OPCML: variants seen among roughly 807,000 people sequenced by gnomAD.
The protein encoded by OPCML is opioid binding protein/cell adhesion molecule like.
Under a neutral mutation model 37.8 loss-of-function variants are expected in OPCML, and 13 were observed. That is an observed-to-expected ratio of 0.34 (90% CI 0.22 to 0.55). The LOEUF (loss-of-function observed/expected upper bound fraction) is 0.55. Ranked by LOEUF, OPCML falls within the 20% of genes least tolerant of loss-of-function variation. OPCML has a pLI of 0.91. For missense variants in OPCML, 341 were observed against 435.6 expected, an observed-to-expected ratio of 0.78 and a Z score of 1.93; for synonymous variants, 176 against 168.8, an observed-to-expected ratio of 1.04 and a Z score of -0.33.
chr11:132,992,878 C>T (rs1415124222), intron 1 of OPCML, among the ~76,000 whole-genome samples: 2 of 152,142 alleles, frequency 1.3e-5, no homozygotes, highest in Admixed American at 6.6e-5. Context: ...ATTGGAATGG[C>T]TGTTTGTTTT....
chr11:133,447,520 T>C (rs1277691051), intron 1 of OPCML, among the ~76,000 whole-genome samples: 1 of 152,192 alleles, frequency 6.6e-6, no homozygotes, highest in Non-Finnish European at 1.5e-5. Context: ...GGCCTCCTTC[T>C]CTCCCTTCTC....
chr11:132,701,764 GT>G (rs1943827848), intron 2 of OPCML, among the ~76,000 whole-genome samples: 1 of 10,538 alleles, frequency 9.5e-5, no homozygotes, highest in Non-Finnish European at 3.0e-4. Flanking sequence ...TTTGATGATT[GT>G]GTGTGTGTGT....
At chr11:133,377,748 T>C (rs1445499209) in intron 1 of OPCML, among the ~76,000 whole-genome samples, 2 of 152,112 alleles carry the variant, frequency 1.3e-5, no homozygotes, top group African/African-American at 4.8e-5. Flanking sequence ...CAGGAACACA[T>C]GGTTCATTTA....
At chr11:133,071,203 G>A (rs557429910) in intron 1 of OPCML, among the ~76,000 whole-genome samples, 1 of 152,346 alleles carries the variant, frequency 6.6e-6, no homozygotes, top group African/African-American at 2.4e-5. Flanking sequence ...CAAGCTCAGT[G>A]AGATAGATGT....
At chr11:132,445,724 G>A (rs1463607326) in intron 4 of OPCML, among the ~76,000 whole-genome samples, 1 of 152,146 alleles carries the variant, frequency 6.6e-6, no homozygotes, top group East Asian at 1.9e-4. Flanking sequence ...TCAGGGGTGA[G>A]AATTCAGGGT....
chr11:133,168,392 C>T (rs1218427000), intron 1 of OPCML, among the ~76,000 whole-genome samples: 1 of 152,036 alleles, frequency 6.6e-6, no homozygotes, highest in Non-Finnish European at 1.5e-5. Flanking sequence ...CCAATATGGT[C>T]CTGTTTTCTT....
At chr11:133,389,524 A>AT (rs1945124887) in intron 1 of OPCML, among the ~76,000 whole-genome samples, 1 of 152,204 alleles carries the variant, frequency 6.6e-6, no homozygotes. Context: ...AAATGAAATA[A>AT]TCTATGTATT....
intron 3 of OPCML, among the ~76,000 whole-genome samples, chr11:132,560,167 T>C (rs2096407498): frequency 6.6e-6 from 1 of 152,184 alleles, no homozygotes. Flanking sequence ...CCCTAGGTAA[T>C]AGAAATCTCT....
intron 1 of OPCML, among the ~76,000 whole-genome samples, chr11:133,249,773 A>G (rs1407056282): frequency 6.6e-6 from 1 of 152,354 alleles, no homozygotes; most frequent in Non-Finnish European, 1.5e-5. Flanking sequence ...AAGTGGTTCT[A>G]TAGCACTCTA....
chr11:133,370,482 C>T (rs1470446148), intron 1 of OPCML, among the ~76,000 whole-genome samples: 1 of 68,856 alleles, frequency 1.5e-5, no homozygotes, highest in Non-Finnish European at 3.1e-5. Flanking sequence ...ATAGCTCAAA[C>T]AGAAAAAAAA....
At chr11:132,901,708 C>T (rs1265259704) in intron 2 of OPCML, among the ~76,000 whole-genome samples, 1 of 152,096 alleles carries the variant, frequency 6.6e-6, no homozygotes, top group African/African-American at 2.4e-5. Context: ...CCTTGCCTCT[C>T]TATATTTCTC....
intron 2 of OPCML, among the ~76,000 whole-genome samples, chr11:132,883,124 A>G (rs1943278025): frequency 6.6e-6 from 1 of 152,258 alleles, no homozygotes; most frequent in African/African-American, 2.4e-5. Flanking sequence ...GAACCTGCAC[A>G]AACAGATGCA....
At chr11:132,905,183 A>G (rs185580092) in intron 2 of OPCML, among the ~76,000 whole-genome samples, 1 of 148,620 alleles carries the variant, frequency 6.7e-6, no homozygotes, top group African/African-American at 2.5e-5. Flanking sequence ...CCCAGTGTCT[A>G]TCTCACAGAT....
At chr11:133,419,251 A>G (rs1277723773) in intron 1 of OPCML, 2 of 985,308 alleles carry the variant, frequency 2.0e-6, no homozygotes, top group South Asian at 4.7e-5. Context: ...GGGAGAGAGT[A>G]TATGAGTTTG....
chr11:133,498,417 G>A (rs1947831236), intron 1 of OPCML, among the ~76,000 whole-genome samples: 1 of 152,220 alleles, frequency 6.6e-6, no homozygotes, highest in South Asian at 2.1e-4. Flanking sequence ...AAAGGACACA[G>A]ACGAGACCCA....
chr11:133,499,875 T>TATATA (rs71477802), intron 1 of OPCML, among the ~76,000 whole-genome samples: 6 of 112,982 alleles, frequency 5.3e-5, no homozygotes, highest in East Asian at 2.6e-4. Flanking sequence ...TATATATATA[T>TATATA]TTTTTTTTTT....
chr11:132,950,382 G>A (rs1945832374), intron 1 of OPCML, among the ~76,000 whole-genome samples: 1 of 152,090 alleles, frequency 6.6e-6, no homozygotes, highest in Non-Finnish European at 1.5e-5. Flanking sequence ...GAAAAAGAGA[G>A]CGATTGAGGA....
At chr11:132,854,534 GC>G (rs769320626) in intron 2 of OPCML, among the ~76,000 whole-genome samples, 1 of 152,164 alleles carries the variant, frequency 6.6e-6, no homozygotes, top group African/African-American at 2.4e-5. Flanking sequence ...CTAAGCAGGA[GC>G]CCCCAGCCAT....
At chr11:133,002,694 G>A (rs1221117116) in intron 1 of OPCML, among the ~76,000 whole-genome samples, 1 of 151,426 alleles carries the variant, frequency 6.6e-6, no homozygotes, top group African/African-American at 2.4e-5. Flanking sequence ...GATAATATAT[G>A]TGTGGGTGTG....
Sources: gnomAD v4.1 joint callset for allele counts (sites outside exome capture counted in the v4.1 genomes callset) on GRCh38, gnomAD v4.1.1 for gene constraint, MANE v1.5 for transcripts, NCBI Gene and HGNC (gene_info 2026-07-23, HGNC 2026-07-21) for gene names.